The following ADAMTSL3 variants were observed in gnomAD, a reference collection of about 807,000 sequenced individuals.
ADAMTSL3 encodes the protein ADAMTS like 3.
Under a neutral mutation model 201.7 loss-of-function variants are expected in ADAMTSL3, and 128 were observed. The ratio of observed to expected loss-of-function variants is 0.63; its 90% CI spans 0.55 to 0.73. The LOEUF (loss-of-function observed/expected upper bound fraction) is 0.73. Among genes scored for constraint, ADAMTSL3 ranks in the 30% least tolerant of loss-of-function variants. The pLI is 0.00. For synonymous variants in ADAMTSL3, 738 were observed against 748.4 expected, an observed-to-expected ratio of 0.99 and a Z score of 0.23; for missense variants, 1,990 against 2,119.6, an observed-to-expected ratio of 0.94 and a Z score of 1.20.
chr15:83,982,257 T>TC lies in ADAMTSL3; in HGVS notation c.2645-16_2645-15insC. 6.5e-7 allele frequency: 1 copy of TC among 1,547,684 alleles called. No individual in the cohort carries two copies. The highest frequency in any genetic ancestry group is 8.7e-7 in the Non-Finnish European group (1 of 1,147,176). On this transcript the variant is annotated splice_polypyrimidine_tract_variant and intron_variant, in intron 20 of 29. Coordinates refer to ENST00000286744, the MANE Select transcript of ADAMTSL3 (RefSeq NM_207517.3). Reference sequence around the variant, plus strand: ...TTATTCGTATTTTCTTTTCTTTCTTTTTTTTTTTCTTGGAGAAATCAAATC... The same window carrying TC: ...TTATTCGTATTTTCTTTTCTTTCTTTCTTTTTTTTCTTGGAGAAATCAAATC...
chr15:83,848,793 A>G (rs550140605), intron 7 of ADAMTSL3, among the ~76,000 whole-genome samples: 1 of 152,348 alleles, frequency 6.6e-6, no homozygotes, highest in Non-Finnish European at 1.5e-5. Context: ...GTTTCTTAGC[A>G]TGTTGCCTGG....
At chr15:83,675,614 T>A (rs1478825444) in intron 2 of ADAMTSL3, among the ~76,000 whole-genome samples, 2 of 150,906 alleles carry the variant, frequency 1.3e-5, no homozygotes, top group African/African-American at 4.9e-5. Context: ...CCTGTCATTG[T>A]CTGGTTTTAG....
chr15:83,656,062 A>C (rs1417056096), intron 2 of ADAMTSL3, among the ~76,000 whole-genome samples: 1 of 152,118 alleles, frequency 6.6e-6, no homozygotes, highest in Non-Finnish European at 1.5e-5. Flanking sequence ...AGCACTGTGG[A>C]TACCATACAC....
chr15:83,679,834 T>G (rs2061453714), intron 2 of ADAMTSL3, among the ~76,000 whole-genome samples: 1 of 152,190 alleles, frequency 6.6e-6, no homozygotes, highest in African/African-American at 2.4e-5. Flanking sequence ...GGCTTCTCAC[T>G]TCATCTCAGC....
At chr15:83,846,547 AC>A (rs2064502215) in intron 7 of ADAMTSL3, among the ~76,000 whole-genome samples, 1 of 152,094 alleles carries the variant, frequency 6.6e-6, no homozygotes, top group East Asian at 1.9e-4. Context: ...CAGCCAACCC[AC>A]CCCTTGTTTC....
At chr15:83,969,004 G>C (rs971486253) in intron 19 of ADAMTSL3, among the ~76,000 whole-genome samples, 2 of 152,218 alleles carry the variant, frequency 1.3e-5, no homozygotes, top group South Asian at 2.1e-4. Flanking sequence ...GGCCTGTCAG[G>C]GGGTGGGGGG....
At chr15:83,704,690 A>G (rs111395048) in intron 3 of ADAMTSL3, among the ~76,000 whole-genome samples, 182 bp downstream of exon 3, 3 of 152,342 alleles carry the variant, frequency 2.0e-5, no homozygotes, top group Middle Eastern at 3.4e-3. Flanking sequence ...GTAATTTCCT[A>G]TATAATGTGC....
chr15:83,892,762 G>A lies in ADAMTSL3; in HGVS notation c.1341G>A (p.Glu447=). 1.9e-6 allele frequency: 3 copies of A among 1,614,122 alleles called. No homozygotes were observed. The highest frequency in any genetic ancestry group is 2.5e-6 in the Non-Finnish European group (3 of 1,179,994). The change falls in exon 13 of 30, where the codon GAG becomes GAA. Residue 447 remains glutamate (E), a synonymous_variant. Transcript: ENST00000286744. Reference sequence around the variant, plus strand: ...AGAGACGGAGCTTTGTGTGTGTAGAGGAATCCATGCATGGAGAGATATTGC... The same window carrying A: ...AGAGACGGAGCTTTGTGTGTGTAGAAGAATCCATGCATGGAGAGATATTGC... The part of the protein sequence containing the change: ...GIQRRSFVCV[E]ESMHGEILQV...
chr15:83,916,147 A>G (rs1030378268), intron 16 of ADAMTSL3, among the ~76,000 whole-genome samples: 3 of 152,204 alleles, frequency 2.0e-5, no homozygotes, highest in African/African-American at 7.2e-5. Flanking sequence ...TGCATCTGTC[A>G]GAAATGCAAT....
chr15:83,922,897 A>G (rs1166804808), intron 16 of ADAMTSL3, among the ~76,000 whole-genome samples: 3 of 152,244 alleles, frequency 2.0e-5, no homozygotes, highest in Non-Finnish European at 2.9e-5. Flanking sequence ...GCATATTTCA[A>G]ATAACATAGT....
chr15:83,655,707 T>C, intron 1 of ADAMTSL3, 22 bp from the exon 2 acceptor site: 1 of 1,579,718 alleles, frequency 6.3e-7, no homozygotes, highest in Non-Finnish European at 8.7e-7. Context: ...TGGTTGGTAA[T>C]GAACTCTTTC....
intron 3 of ADAMTSL3, among the ~76,000 whole-genome samples, chr15:83,762,513 TCTCTC>T (rs559692960): frequency 1.0e-3 from 157 of 152,270 alleles, no homozygotes; most frequent in African/African-American, 3.7e-3. Context: ...TGAGGGCTCT[TCTCTC>T]TGCTTCCAAG....
At chr15:83,987,580 CA>C (rs1187714751) in intron 21 of ADAMTSL3, among the ~76,000 whole-genome samples, 1 of 152,084 alleles carries the variant, frequency 6.6e-6, no homozygotes, top group African/African-American at 2.4e-5. Flanking sequence ...GAAAACTTTA[CA>C]GGGGAAATTA....
intron 26 of ADAMTSL3, among the ~76,000 whole-genome samples, chr15:84,023,502 C>T (rs1415293482): frequency 6.6e-6 from 1 of 152,102 alleles, no homozygotes; most frequent in African/African-American, 2.4e-5. Context: ...ATTGCAGGCA[C>T]CCTAACTGAT....
intron 7 of ADAMTSL3, among the ~76,000 whole-genome samples, chr15:83,855,089 T>C (rs2064703922): frequency 6.6e-6 from 1 of 152,122 alleles, no homozygotes; most frequent in Non-Finnish European, 1.5e-5. Context: ...CCTTCAACAC[T>C]CAGCCAAGGT....
chr15:83,969,509 G>A, intron 19 of ADAMTSL3, among the ~76,000 whole-genome samples: 1 of 152,092 alleles, frequency 6.6e-6, no homozygotes, highest in East Asian at 1.9e-4. Flanking sequence ...AAGAAAATAT[G>A]GTACTGTATA....
At chr15:83,820,421 T>C (rs182768026) in intron 6 of ADAMTSL3, among the ~76,000 whole-genome samples, 177 of 152,258 alleles carry the variant, frequency 1.2e-3, no homozygotes, top group African/African-American at 4.0e-3. Context: ...CAGAGTCACC[T>C]GGAGGGCTTG....
chr15:83,840,019 A>C (rs2064344942), intron 7 of ADAMTSL3, among the ~76,000 whole-genome samples: 1 of 152,024 alleles, frequency 6.6e-6, no homozygotes, highest in South Asian at 2.1e-4. Context: ...TGATAGCAAA[A>C]CCCCTTGTTG....
chr15:84,026,342 G>A (rs927338093), intron 27 of ADAMTSL3, among the ~76,000 whole-genome samples: 14 of 152,128 alleles, frequency 9.2e-5, no homozygotes, highest in African/African-American at 2.9e-4. Flanking sequence ...ATGGAAAGCT[G>A]TAAGACTTAT....
Sources: allele counts gnomAD v4.1 joint callset (sites outside exome capture counted in the v4.1 genomes callset), GRCh38; gene constraint gnomAD v4.1.1; transcripts MANE v1.5; gene names NCBI Gene and HGNC (gene_info 2026-07-23, HGNC 2026-07-21).